Variants in OSTF1 observed in about 807,000 individuals in gnomAD.
The protein encoded by OSTF1 is osteoclast stimulating factor 1.
Under a neutral mutation model 37.2 loss-of-function variants are expected in OSTF1, and 27 were observed. That is an observed-to-expected ratio of 0.73 (90% CI 0.54 to 1.00). The LOEUF is 1.00. OSTF1 is among the 50% of genes least tolerant of loss of function. The pLI is 0.00. For synonymous variants in OSTF1, 82 were observed against 89.2 expected (o/e 0.92, Z 0.46); for missense variants, 232 against 253.8 (o/e 0.91, Z 0.58).
At chr9:75,133,422 T>C (rs761159191) in intron 6 of OSTF1, 21 bp downstream of exon 6, 5 of 1,369,952 alleles carry the variant, frequency 3.6e-6, no homozygotes, top group Non-Finnish European at 5.2e-6. Context: ...TTGTTTGTTA[T>C]ATGTTTCTAT....
intron 1 of OSTF1, among the ~76,000 whole-genome samples, chr9:75,101,783 C>T (rs1825197542): frequency 6.6e-6 from 1 of 152,140 alleles, no homozygotes; most frequent in Admixed American, 6.6e-5. Context: ...GAGCTCTTAG[C>T]TTAAGCTCAG....
At chr9:75,138,141 C>T (rs1347191842) in intron 8 of OSTF1, among the ~76,000 whole-genome samples, 1 of 152,146 alleles carries the variant, frequency 6.6e-6, no homozygotes. Flanking sequence ...ACTGACTATC[C>T]CTTTATCCTT....
chr9:75,102,622 C>G (rs1255169812), intron 1 of OSTF1, among the ~76,000 whole-genome samples: 2 of 152,132 alleles, frequency 1.3e-5, no homozygotes, highest in Non-Finnish European at 2.9e-5. Flanking sequence ...CATCTTTTAC[C>G]CCAGGCTTCA....
At chr9:75,137,475 T>G (rs1825860699) in intron 7 of OSTF1, 63 bp from the exon 8 acceptor site, 1 of 1,085,572 alleles carries the variant, frequency 9.2e-7, no homozygotes. Flanking sequence ...AAACCTGAAT[T>G]AACATGTACT....
At chr9:75,138,577 T>C (rs143669582) in intron 8 of OSTF1, among the ~76,000 whole-genome samples, 9 of 152,356 alleles carry the variant, frequency 5.9e-5, no homozygotes, top group Non-Finnish European at 1.3e-4. Flanking sequence ...TTCATGTTGG[T>C]TATGTGTTGA....
chr9:75,102,403 TC>T (rs1224714700), intron 1 of OSTF1, among the ~76,000 whole-genome samples: 1 of 152,210 alleles, frequency 6.6e-6, no homozygotes, highest in Non-Finnish European at 1.5e-5. Context: ...GTAAAATTAG[TC>T]ATGACTAGCG....
chr9:75,132,631 C>T (rs1825778618), intron 5 of OSTF1, among the ~76,000 whole-genome samples: 2 of 152,106 alleles, frequency 1.3e-5, no homozygotes, highest in Admixed American at 1.3e-4. Context: ...CCTCAATGAG[C>T]TCCATTTCAT....
Position 75,127,562 on chromosome 9 carries a change from C to A in OSTF1, c.82-7C>A. The A allele has an allele frequency of 6.5e-7, 1 of 1,528,308 alleles. No homozygotes were observed. Among genetic ancestry groups the A allele is most frequent in the African/African-American group, 1.4e-5 (1 of 70,802 alleles). 94.7% of individuals were successfully genotyped at this position (1,528,308 alleles called of 1,614,324 possible). On this transcript the variant is annotated splice_region_variant and splice_polypyrimidine_tract_variant and intron_variant, in intron 2 of 9. Coordinates refer to ENST00000346234, the MANE Select transcript of OSTF1 (RefSeq NM_012383.5). ...CACATGGAGTCAAACTTTTTTTTTT[C>A]TTCTAGCCAGATGAATTATACTTTG...
At chr9:75,123,659 C>T (rs1277251378) in intron 2 of OSTF1, among the ~76,000 whole-genome samples, 1 of 152,204 alleles carries the variant, frequency 6.6e-6, no homozygotes, top group Non-Finnish European at 1.5e-5. Context: ...GTTGTATGTA[C>T]TGCCACCAAC....
In OSTF1 at chr9:75,127,571, A is replaced by T; in HGVS notation, c.84A>T (p.Pro28=). Residue 28 remains proline, a splice_region_variant and synonymous_variant, in exon 3 of 10, where the codon CCA becomes CCT. Transcript: ENST00000346234. ...TCAAACTTTTTTTTTTCTTCTAGCC[A>T]GATGAATTATACTTTGAGGAAGGTG... ...RALYTFEPRT[P]DELYFEEGDI... is the part of the protein sequence containing the mutation. 1 of 1,569,324 alleles carries T rather than the reference A, an allele frequency of 6.4e-7. No homozygotes were observed. The highest frequency in any genetic ancestry group is 8.7e-7 in the Non-Finnish European group (1 of 1,151,746).
chr9:75,132,106 C>T (rs1421580823), intron 5 of OSTF1, among the ~76,000 whole-genome samples: 1 of 152,222 alleles, frequency 6.6e-6, no homozygotes, highest in Non-Finnish European at 1.5e-5. Flanking sequence ...CTGTGACTTC[C>T]AAAGCACAAC....
intron 1 of OSTF1, among the ~76,000 whole-genome samples, chr9:75,114,470 C>A (rs902225923): frequency 1.3e-5 from 2 of 151,938 alleles, no homozygotes; most frequent in East Asian, 3.8e-4. Flanking sequence ...AGATACAGAA[C>A]TTTTCTATTA....
chr9:75,103,405 A>T (rs777952998), intron 1 of OSTF1, among the ~76,000 whole-genome samples: 3 of 152,246 alleles, frequency 2.0e-5, no homozygotes, highest in Non-Finnish European at 4.4e-5. Context: ...TAGACAATTT[A>T]GAAAATAAAG....
chr9:75,101,389 T>C (rs1334881789), intron 1 of OSTF1, among the ~76,000 whole-genome samples: 1 of 152,202 alleles, frequency 6.6e-6, no homozygotes. Context: ...CAATTTTCAG[T>C]TTAAAGGCTG....
intron 1 of OSTF1, among the ~76,000 whole-genome samples, chr9:75,090,296 T>A (rs1002584659): frequency 6.1e-4 from 1 of 1,642 alleles, no homozygotes; most frequent in Non-Finnish European, 1.9e-3. Context: ...CATTGACAGG[T>A]GTGTGTGTGT....
At chr9:75,128,387 T>TTTTTTTTGTCC (rs1439910491) in intron 3 of OSTF1, among the ~76,000 whole-genome samples, 6 of 91,736 alleles carry the variant, frequency 6.5e-5, no homozygotes, top group African/African-American at 1.8e-4. Context: ...TATATATATA[T>TTTTTTTTGTCC]ATATATATAT....
At chr9:75,116,573 C>T (rs1244851675) in intron 1 of OSTF1, among the ~76,000 whole-genome samples, 1 of 146,536 alleles carries the variant, frequency 6.8e-6, no homozygotes, top group Non-Finnish European at 1.5e-5. Context: ...TGTTTTGGGA[C>T]TTAATGGAAT....
At chr9:75,129,430 T>C (rs1825729791) in intron 3 of OSTF1, among the ~76,000 whole-genome samples, 1 of 152,184 alleles carries the variant, frequency 6.6e-6, no homozygotes, top group East Asian at 1.9e-4. Context: ...AATTAGAATG[T>C]CACCATCTTG....
intron 1 of OSTF1, among the ~76,000 whole-genome samples, chr9:75,108,156 T>G (rs1191700779): frequency 3.4e-5 from 5 of 148,464 alleles, no homozygotes; most frequent in African/African-American, 1.0e-4. Flanking sequence ...GCCTGAGAGG[T>G]TGAAGCTGCA....
Sources: allele counts gnomAD v4.1 joint callset (sites outside exome capture counted in the v4.1 genomes callset), GRCh38; gene constraint gnomAD v4.1.1; transcripts MANE v1.5; gene names NCBI Gene and HGNC (gene_info 2026-07-23, HGNC 2026-07-21).